Variants in MYO1B observed in about 807,000 individuals in gnomAD.
MYO1B encodes unconventional myosin-Ib.
A neutral mutation model predicts 159.7 loss-of-function variants in MYO1B; 72 were observed. The ratio of observed to expected loss-of-function variants is 0.45; its 90% CI spans 0.37 to 0.55. MYO1B has a LOEUF of 0.55. MYO1B is among the 20% of genes least tolerant of loss of function. The probability of loss-of-function intolerance (pLI) is 0.00; values close to 1 mark genes in which losing one functional copy is unlikely to be tolerated. For missense variants in MYO1B, 1,062 were observed against 1,364.8 expected, an observed-to-expected ratio of 0.78 and a Z score of 3.50; for synonymous variants, 468 against 473.8, an observed-to-expected ratio of 0.99 and a Z score of 0.16.
chr2:191,340,788 C>T (rs1041487813), intron 4 of MYO1B, among the ~76,000 whole-genome samples: 8 of 151,484 alleles, frequency 5.3e-5, no homozygotes, highest in African/African-American at 1.5e-4. Flanking sequence ...TGCAGTGGTG[C>T]GATCTCAGCT....
rs187502496 is a variant in MYO1B at position 191,316,030 on chromosome 2, T to A, written c.252-13905T>A. Among the ~76,000 whole-genome samples the A allele has an allele frequency of 4.3e-4, 65 of 152,298 alleles. 1 individual carries two copies. Among genetic ancestry groups the A allele is most frequent in the Admixed American group, 3.7e-3 (56 of 15,288 alleles). ...TTGATGGTTTGACTCAATTAAAGAG[T>A]ACAAGGAACAGATAGATTGCATATT... is the stretch of plus-strand genomic sequence containing the variant. On this transcript the variant is annotated intron_variant, in intron 3 of 30. Coordinates refer to ENST00000392318, the MANE Select transcript of MYO1B (RefSeq NM_001130158.3).
chr2:191,363,257 T>C (rs1693787152), intron 9 of MYO1B, among the ~76,000 whole-genome samples: 2 of 152,194 alleles, frequency 1.3e-5, no homozygotes, highest in Admixed American at 1.3e-4. Flanking sequence ...GGCACGTAAT[T>C]GGCACTCCGT....
In MYO1B at chr2:191,391,086, T is replaced by C. The variant is rs186604433; in HGVS notation, c.1982+594T>C. ...CCGCAGGCCCAGTGGTGCATCCCCA[T>C]GTCCTGTGAGCTCTCCACAGGCAGA... is the stretch of plus-strand genomic sequence containing the variant. On this transcript the variant is annotated intron_variant, in intron 18 of 30. Transcript: ENST00000392318. 1.4e-3 allele frequency among the ~76,000 whole-genome samples: 220 copies of C among 152,332 alleles called. 1 individual carries two copies. Among genetic ancestry groups the C allele is most frequent in the African/African-American group, 5.2e-3 (217 of 41,578 alleles).
At chr2:191,309,835 G>T (rs1478732601) in intron 3 of MYO1B, among the ~76,000 whole-genome samples, 1 of 152,176 alleles carries the variant, frequency 6.6e-6, no homozygotes, top group Admixed American at 6.5e-5. Context: ...CTTGCCATGG[G>T]CTCATTTTTT....
intron 7 of MYO1B, among the ~76,000 whole-genome samples, chr2:191,351,504 G>A (rs1013425054): frequency 6.6e-6 from 1 of 152,162 alleles, no homozygotes; most frequent in South Asian, 2.1e-4. Flanking sequence ...ACCATCTAGG[G>A]CTAGAGGTTT....
intron 22 of MYO1B, 132 bp downstream of exon 22, chr2:191,400,600 C>T (rs1210854488): frequency 3.0e-6 from 4 of 1,351,526 alleles, no homozygotes; most frequent in Non-Finnish European, 4.2e-6. Flanking sequence ...CTTGCTCTTT[C>T]CAACATTTTG....
chr2:191,313,099 G>A (rs1690107655), intron 3 of MYO1B, among the ~76,000 whole-genome samples: 1 of 149,952 alleles, frequency 6.7e-6, no homozygotes, highest in Admixed American at 6.7e-5. Context: ...TTTGATGGGG[G>A]TCTGTTGGGT....
chr2:191,264,580 C>G (rs889309049), intron 1 of MYO1B, among the ~76,000 whole-genome samples: 11 of 151,884 alleles, frequency 7.2e-5, no homozygotes, highest in Admixed American at 6.6e-4. Context: ...AAAACATGCT[C>G]AAATGTGCCT....
intron 5 of MYO1B, among the ~76,000 whole-genome samples, chr2:191,344,829 C>CAAAAAAAA (rs10646926): frequency 3.6e-5 from 2 of 56,140 alleles, no homozygotes; most frequent in Admixed American, 2.3e-4. Flanking sequence ...GACTCCGTCT[C>CAAAAAAAA]AAAAAAAAAA....
intron 1 of MYO1B, among the ~76,000 whole-genome samples, chr2:191,271,701 C>T (rs942083825): frequency 1.3e-5 from 2 of 152,078 alleles, no homozygotes; most frequent in Admixed American, 6.6e-5. Flanking sequence ...TGGAGGAGCA[C>T]GAGATAAGAT....
At chr2:191,346,522 A>G (rs987891976) in intron 6 of MYO1B, among the ~76,000 whole-genome samples, 7 of 152,198 alleles carry the variant, frequency 4.6e-5, no homozygotes, top group Non-Finnish European at 1.0e-4. Context: ...ATAAAATCCC[A>G]TAAGCAATTT....
At chr2:191,292,267 T>C (rs1181946086) in intron 2 of MYO1B, among the ~76,000 whole-genome samples, 2 of 152,186 alleles carry the variant, frequency 1.3e-5, no homozygotes, top group African/African-American at 4.8e-5. Flanking sequence ...AACTCTAAAA[T>C]ATTTAAAGAG....
chr2:191,274,825 G>A (rs1181451763), intron 1 of MYO1B, among the ~76,000 whole-genome samples: 1 of 152,146 alleles, frequency 6.6e-6, no homozygotes, highest in African/African-American at 2.4e-5. Flanking sequence ...TTCTGAAACA[G>A]AGCCCAGCCA....
chr2:191,349,181 CT>C (rs1392886179), intron 6 of MYO1B, among the ~76,000 whole-genome samples: 3 of 152,194 alleles, frequency 2.0e-5, no homozygotes, highest in African/African-American at 7.2e-5. Context: ...TCGCTTGTGC[CT>C]ACTTCAGCTT....
intron 4 of MYO1B, among the ~76,000 whole-genome samples, chr2:191,336,325 A>G (rs1317459164): frequency 6.6e-6 from 1 of 151,620 alleles, no homozygotes; most frequent in Non-Finnish European, 1.5e-5. Context: ...AGTGACAGAG[A>G]TGCCACTGAC....
chr2:191,268,624 G>A (rs1687281160), intron 1 of MYO1B, among the ~76,000 whole-genome samples: 1 of 152,242 alleles, frequency 6.6e-6, no homozygotes, highest in South Asian at 2.1e-4. Flanking sequence ...ACTCTGGGCA[G>A]CAAAGGCAGC....
intron 1 of MYO1B, among the ~76,000 whole-genome samples, chr2:191,275,117 G>C (rs1336851437): frequency 6.6e-6 from 1 of 152,020 alleles, no homozygotes; most frequent in Non-Finnish European, 1.5e-5. Context: ...TCTTGGCCAG[G>C]CTGGTCTTGA....
At position 191,409,130 on chromosome 2, in the gene MYO1B, C is replaced by T. The variant is rs778037518; in HGVS notation, c.2718C>T (p.Phe906=). ...DKNWPSRPYL[F]LDSTHKELKR... Reference sequence around the variant, plus strand: ...ATTGGCCCTCAAGACCTTACTTATTCTTGGATTCTACTCACAAGGAGCTAA... The same window carrying T: ...ATTGGCCCTCAAGACCTTACTTATTTTTGGATTCTACTCACAAGGAGCTAA... The change falls in exon 26 of 31, where the codon TTC becomes TTT. Residue 906 remains phenylalanine, a synonymous_variant. Transcript: ENST00000392318. 1 of 1,612,866 alleles carries T rather than the reference C, an allele frequency of 6.2e-7. No individual in the cohort carries two copies. The highest frequency in any genetic ancestry group is 1.1e-5 in the South Asian group (1 of 90,676).
chr2:191,337,202 C>A (rs1691912195), intron 4 of MYO1B, among the ~76,000 whole-genome samples: 1 of 152,184 alleles, frequency 6.6e-6, no homozygotes, highest in Admixed American at 6.5e-5. Context: ...AATTGTCTTT[C>A]CTTGAATTGT....
Sources: gnomAD v4.1 joint callset for allele counts (sites outside exome capture counted in the v4.1 genomes callset) on GRCh38, gnomAD v4.1.1 for gene constraint, MANE v1.5 for transcripts, NCBI Gene and HGNC (gene_info 2026-07-23, HGNC 2026-07-21) for gene names.